The following KCNIP1 variants were observed in gnomAD, a reference collection of about 807,000 sequenced individuals.
KCNIP1 encodes potassium voltage-gated channel interacting protein 1.
In KCNIP1, 18 loss-of-function variants were observed where a neutral mutation model predicts 33.0. The ratio of observed to expected loss-of-function variants is 0.55; its 90% CI spans 0.38 to 0.81. The LOEUF (loss-of-function observed/expected upper bound fraction) is 0.81. Among genes scored for constraint, KCNIP1 ranks in the 30% least tolerant of loss-of-function variants. KCNIP1 has a pLI of 0.00. For missense variants in KCNIP1, 238 were observed against 271.6 expected (o/e 0.88, Z 0.87); for synonymous variants, 93 against 98.3 (o/e 0.95, Z 0.32).
chr5:170,385,894 C>A (rs749702045), intron 1 of KCNIP1, among the ~76,000 whole-genome samples: 2 of 151,594 alleles, frequency 1.3e-5, no homozygotes, highest in Non-Finnish European at 2.9e-5. Context: ...CCGAGGTGGG[C>A]GGATCATGAG....
chr5:170,412,066 G>A (rs1755206976), intron 1 of KCNIP1, among the ~76,000 whole-genome samples: 1 of 152,192 alleles, frequency 6.6e-6, no homozygotes, highest in Non-Finnish European at 1.5e-5. Context: ...CTGGCTGAAT[G>A]AATAAATGTT....
At chr5:170,515,107 G>A (rs1358996565) in intron 1 of KCNIP1, among the ~76,000 whole-genome samples, 1 of 152,170 alleles carries the variant, frequency 6.6e-6, no homozygotes, top group Non-Finnish European at 1.5e-5. Flanking sequence ...GAAGAACAGT[G>A]TTCACACCAG....
intron 1 of KCNIP1, among the ~76,000 whole-genome samples, chr5:170,520,737 T>C (rs1164572476): frequency 2.0e-5 from 3 of 152,220 alleles, no homozygotes; most frequent in African/African-American, 7.2e-5. Context: ...TGCTCTGCTA[T>C]GTCAATTTCA....
In KCNIP1 at chr5:170,443,272, G is replaced by A. The variant is rs149203035; in HGVS notation, c.88+89308G>A. On this transcript the variant is annotated intron_variant, in intron 1 of 7. Transcript: ENST00000377360. ...CCTGAAGTGACTATTTACTGAGAGA[G>A]GCAACCCTACTGAACAAAAGCCTGC... Among the ~76,000 whole-genome samples the A allele has an allele frequency of 1.1e-4, 16 of 149,708 alleles. No homozygotes were observed. In the East Asian group the frequency reaches 3.0e-3, roughly 28 times the overall value.
At chr5:170,616,015 A>G (rs1759355269) in intron 1 of KCNIP1, among the ~76,000 whole-genome samples, 1 of 152,144 alleles carries the variant, frequency 6.6e-6, no homozygotes, top group Admixed American at 6.5e-5. Flanking sequence ...CCACTTTCAC[A>G]GGGGGCAGCC....
At position 170,720,528 on chromosome 5, in the gene KCNIP1, C is replaced by T. The variant is rs894055180; in HGVS notation, c.256+138C>T. The T allele has an allele frequency of 2.4e-5, 17 of 698,390 alleles. No homozygotes were observed. The Admixed American group carries it at 3.2e-4, about 13-fold the overall frequency. The allele number at this position is 698,390 out of a possible 1,614,324, so 43.3% of individuals were successfully genotyped here. ...ACTCAGGGCAGGACACCTCCCTCAT[C>T]GTGAGAGGTGGGAGTCTCCAAAGCT... is the stretch of plus-strand genomic sequence containing the variant. On this transcript the variant is annotated intron_variant, in intron 3 of 7. Coordinates refer to ENST00000328939, the MANE Select transcript of KCNIP1 (RefSeq NM_014592.4).
chr5:170,719,538 C>G (rs1197816486), intron 2 of KCNIP1, among the ~76,000 whole-genome samples: 1 of 152,140 alleles, frequency 6.6e-6, no homozygotes, highest in Admixed American at 6.5e-5. Context: ...CAATCTTATT[C>G]CCAAATCCTG....
intron 1 of KCNIP1, among the ~76,000 whole-genome samples, chr5:170,557,582 G>A (rs1756884391): frequency 6.6e-6 from 1 of 152,168 alleles, no homozygotes; most frequent in Admixed American, 6.5e-5. Flanking sequence ...ACAGTTAGAG[G>A]ATGGTCAGAT....
rs375794598 is a variant in KCNIP1, at chr5:170,617,543, G to A, written c.62-101215G>A. ...ATTACAGCAGACAGAGGGGGTCCAG[G>A]CCCTTCTAGAGATAGTGTTCACAGC... On this transcript the variant is annotated intron_variant, in intron 1 of 7. Coordinates refer to ENST00000328939, the MANE Select transcript of KCNIP1 (RefSeq NM_014592.4). Among the ~76,000 whole-genome samples, 6 of 152,146 alleles carry A rather than the reference G, an allele frequency of 3.9e-5. No individual in the cohort carries two copies. In the East Asian group the frequency reaches 9.6e-4, roughly 24 times the overall value.
In KCNIP1 at chr5:170,449,421, G is replaced by C. The variant is rs540755382; in HGVS notation, c.88+95457G>C. Among the ~76,000 whole-genome samples the C allele has an allele frequency of 3.8e-4, 58 of 152,272 alleles. No individual in the cohort carries two copies. In the South Asian group the frequency reaches 0.011, roughly 29 times the overall value. ...CCACAGTTTTCTGAGGCCCAGATGA[G>C]CACAATGTGCAGGGCAGAGCCTGGC... On this transcript the variant is annotated intron_variant, in intron 1 of 7. Coordinates refer to the KCNIP1 transcript ENST00000377360.
At chr5:170,634,332 CG>C (rs1760199156) in intron 1 of KCNIP1, among the ~76,000 whole-genome samples, 1 of 152,154 alleles carries the variant, frequency 6.6e-6, no homozygotes, top group Non-Finnish European at 1.5e-5. Flanking sequence ...CTTGTTAAAC[CG>C]GATGGATGGG....
chr5:170,590,722 C>T (rs1232238285), intron 1 of KCNIP1, among the ~76,000 whole-genome samples: 1 of 152,218 alleles, frequency 6.6e-6, no homozygotes, highest in East Asian at 1.9e-4. Context: ...TTAGTCAGAG[C>T]AGTGCAAATG....
At chr5:170,482,464 G>A (rs1417903092) in intron 1 of KCNIP1, among the ~76,000 whole-genome samples, 2 of 152,130 alleles carry the variant, frequency 1.3e-5, no homozygotes, top group East Asian at 3.8e-4. Context: ...CCTTACAACA[G>A]CCCCATGAAA....
chr5:170,392,983 T>G (rs1754649865), intron 1 of KCNIP1, among the ~76,000 whole-genome samples: 1 of 152,158 alleles, frequency 6.6e-6, no homozygotes, highest in South Asian at 2.1e-4. Context: ...TACATACACA[T>G]ACACATACAC....
intron 1 of KCNIP1, among the ~76,000 whole-genome samples, chr5:170,381,585 C>T (rs939558933): frequency 3.3e-5 from 5 of 152,326 alleles, no homozygotes; most frequent in Non-Finnish European, 2.9e-5. Context: ...ATTTCCACTG[C>T]TTCCTCCCAG....
chr5:170,532,267 C>G (rs1258186580), intron 1 of KCNIP1, among the ~76,000 whole-genome samples: 1 of 152,200 alleles, frequency 6.6e-6, no homozygotes. Flanking sequence ...CTTCAAGTCC[C>G]CATTCTTGCC....
At chr5:170,732,704 C>A in intron 5 of KCNIP1, 96 bp from the exon 6 acceptor site, 1 of 755,162 alleles carries the variant, frequency 1.3e-6, no homozygotes, top group Non-Finnish European at 2.3e-6. Context: ...TAATCACTTT[C>A]ATTGCCAAGG....
At chr5:170,434,620 G>C (rs749174079) in intron 1 of KCNIP1, among the ~76,000 whole-genome samples, 3 of 152,110 alleles carry the variant, frequency 2.0e-5, no homozygotes, top group Non-Finnish European at 4.4e-5. Flanking sequence ...ACTGGGGGAC[G>C]GGTCGGTGGG....
chr5:170,353,584 G>T (rs549943427), exon 1 of KCNIP1: 13 of 507,088 alleles, frequency 2.6e-5, no homozygotes, highest in African/African-American at 2.1e-4. Context: ...AGTACCTTGT[G>T]CCCCGGCAGT....
Sources: gnomAD v4.1 joint callset for allele counts (sites outside exome capture counted in the v4.1 genomes callset) on GRCh38, gnomAD v4.1.1 for gene constraint, MANE v1.5 for transcripts, NCBI Gene and HGNC (gene_info 2026-07-23, HGNC 2026-07-21) for gene names.